Variants in CCDC77 observed in about 807,000 individuals in gnomAD.
The protein encoded by CCDC77 is coiled-coil domain-containing protein 77.
A neutral mutation model predicts 66.8 loss-of-function variants in CCDC77; 56 were observed. The ratio of observed to expected loss-of-function variants is 0.84; its 90% CI spans 0.68 to 1.05. CCDC77 has a LOEUF of 1.05. Ranked by LOEUF, CCDC77 falls within the 50% of genes least tolerant of loss-of-function variation. CCDC77 has a pLI of 0.00. For missense variants in CCDC77, 570 were observed against 576.8 expected, an observed-to-expected ratio of 0.99 and a Z score of 0.12; for synonymous variants, 196 against 195.2, an observed-to-expected ratio of 1.00 and a Z score of -0.03.
intron 1 of CCDC77, among the ~76,000 whole-genome samples, chr12:390,820 G>T (rs896673970): frequency 3.3e-5 from 5 of 152,208 alleles, no homozygotes; most frequent in African/African-American, 1.2e-4. Context: ...GAGGGTTCAA[G>T]ATGGCCTCAC....
intron 4 of CCDC77, among the ~76,000 whole-genome samples, chr12:417,344 C>G (rs1945305700): frequency 6.6e-6 from 1 of 152,126 alleles, no homozygotes; most frequent in South Asian, 2.1e-4. Context: ...TACCAACTGT[C>G]TGCTTCTCTC....
At chr12:393,620 C>T (rs1944789508) in intron 1 of CCDC77, among the ~76,000 whole-genome samples, 1 of 151,744 alleles carries the variant, frequency 6.6e-6, no homozygotes, top group South Asian at 2.1e-4. Flanking sequence ...CAACCTCTGC[C>T]TCCTGGGTTC....
At chr12:389,958 T>C (rs1182990425) in intron 1 of CCDC77, 1 of 152,262 alleles carries the variant, frequency 6.6e-6, no homozygotes, top group Non-Finnish European at 1.5e-5. Flanking sequence ...TGAATTGCTT[T>C]TCCTTTTACA....
chr12:416,303 GTTTA>G (rs1945254597), intron 4 of CCDC77, among the ~76,000 whole-genome samples: 1 of 118,698 alleles, frequency 8.4e-6, no homozygotes, highest in Non-Finnish European at 1.7e-5. Context: ...AGTGTTAAGT[GTTTA>G]TGTGTGTGTG....
chr12:423,206 T>G (rs1377143000), intron 5 of CCDC77, among the ~76,000 whole-genome samples: 1 of 137,508 alleles, frequency 7.3e-6, no homozygotes, highest in Non-Finnish European at 1.5e-5. Context: ...CTGCAGCCTT[T>G]ACCTACCTCC....
intron 1 of CCDC77, among the ~76,000 whole-genome samples, chr12:393,783 C>T (rs1049136071): frequency 2.6e-5 from 4 of 152,160 alleles, no homozygotes; most frequent in Non-Finnish European, 5.9e-5. Flanking sequence ...CCACCTGCCT[C>T]GGCCTCCCAA....
chr12:439,678 G>T (rs150208943), intron 10 of CCDC77, among the ~76,000 whole-genome samples: 1 of 151,904 alleles, frequency 6.6e-6, no homozygotes, highest in Non-Finnish European at 1.5e-5. Flanking sequence ...TACTTGAGAG[G>T]CTGAGGCAGG....
At chr12:412,670 C>T (rs1179472188) in intron 4 of CCDC77, among the ~76,000 whole-genome samples, 2 of 152,188 alleles carry the variant, frequency 1.3e-5, no homozygotes, top group African/African-American at 4.8e-5. Flanking sequence ...CAGAGTCACT[C>T]CTGATTGAGA....
At chr12:407,397 G>A (rs1470950033) in intron 2 of CCDC77, among the ~76,000 whole-genome samples, 4 of 152,168 alleles carry the variant, frequency 2.6e-5, no homozygotes, top group Non-Finnish European at 5.9e-5. Context: ...GTGGTGGGAG[G>A]TATGTATCAG....
chr12:440,548 C>T lies in CCDC77; in HGVS notation c.1042-69C>T, dbSNP rs919436606. ...TCCCTTCTTTTCTTTCTTTCTTTGC[C>T]TAAAAGCTACTTGAATTACCTGAAT... On this transcript the variant is annotated intron_variant, in intron 10 of 12. Coordinates refer to ENST00000239830, the MANE Select transcript of CCDC77 (RefSeq NM_032358.4). 13 of 1,563,576 alleles carry T rather than the reference C, an allele frequency of 8.3e-6. No individual in the cohort carries two copies. In the African/African-American group the frequency reaches 1.5e-4, roughly 18 times the overall value.
intron 9 of CCDC77, among the ~76,000 whole-genome samples, chr12:435,578 A>G (rs1240615206): frequency 6.6e-6 from 1 of 152,206 alleles, no homozygotes; most frequent in Non-Finnish European, 1.5e-5. Flanking sequence ...ATACTACAGA[A>G]CTTGTGTTAA....
At chr12:410,149 A>G (rs563541198) in intron 3 of CCDC77, among the ~76,000 whole-genome samples, 1 of 152,328 alleles carries the variant, frequency 6.6e-6, no homozygotes, top group African/African-American at 2.4e-5. Flanking sequence ...TATATTAACT[A>G]TAACTCAGAG....
intron 5 of CCDC77, among the ~76,000 whole-genome samples, chr12:423,407 T>C (rs551261631): frequency 2.2e-4 from 33 of 147,616 alleles, no homozygotes; most frequent in African/African-American, 8.2e-4. Context: ...CCCAAAGTGC[T>C]GGGATTACAG....
chr12:414,762 C>T lies in CCDC77; in HGVS notation c.270+2784C>T, dbSNP rs554156363. On this transcript the variant is annotated intron_variant, in intron 4 of 12. Transcript: ENST00000239830. ...CCCTAAACCGAATCATTTGGCAAGTCCTGTTGATTCTGCTTCCTAAATATT... is the reference window on the plus strand; with the variant it reads ...CCCTAAACCGAATCATTTGGCAAGTTCTGTTGATTCTGCTTCCTAAATATT... Among the ~76,000 whole-genome samples the T allele has an allele frequency of 2.9e-4, 44 of 152,096 alleles. 1 individual carries two copies. The highest frequency in any genetic ancestry group is 6.8e-3 in the Middle Eastern group (2 of 294).
chr12:405,843 C>T (rs1268002092), intron 2 of CCDC77, among the ~76,000 whole-genome samples: 1 of 151,936 alleles, frequency 6.6e-6, no homozygotes, highest in Non-Finnish European at 1.5e-5. Flanking sequence ...TAAAAACCCG[C>T]TGCCTTTAGT....
intron 2 of CCDC77, among the ~76,000 whole-genome samples, chr12:408,177 C>G (rs1014293084): frequency 6.6e-6 from 1 of 152,024 alleles, no homozygotes; most frequent in Non-Finnish European, 1.5e-5. Flanking sequence ...GGATTGACAG[C>G]GAATGCTTGA....
chr12:401,737 G>A (rs950807661), intron 1 of CCDC77, 53 bp downstream of exon 1: 1 of 152,514 alleles, frequency 6.6e-6, no homozygotes, highest in African/African-American at 2.4e-5. Context: ...GAAGCCTTGG[G>A]AAGAAAATCT....
chr12:411,121 G>A (rs1591965981), intron 3 of CCDC77, among the ~76,000 whole-genome samples: 1 of 151,660 alleles, frequency 6.6e-6, no homozygotes, highest in East Asian at 1.9e-4. Flanking sequence ...TAAACCATTA[G>A]TACTTGGAAG....
intron 6 of CCDC77, 129 bp downstream of exon 6, chr12:428,994 G>C (rs1194573071): frequency 1.8e-6 from 1 of 560,572 alleles, no homozygotes; most frequent in Non-Finnish European, 3.2e-6. Flanking sequence ...TGCCTTGTTT[G>C]CCTGAGTTTT....
Sources: gnomAD v4.1 joint callset for allele counts (sites outside exome capture counted in the v4.1 genomes callset) on GRCh38, gnomAD v4.1.1 for gene constraint, MANE v1.5 for transcripts, NCBI Gene and HGNC (gene_info 2026-07-23, HGNC 2026-07-21) for gene names.